The following MARK4 variants were observed in gnomAD, a reference collection of about 807,000 sequenced individuals.
The protein encoded by MARK4 is MAP/microtubule affinity-regulating kinase 4.
In MARK4, 19 loss-of-function variants were observed where a neutral mutation model predicts 81.5. That is an observed-to-expected ratio of 0.23 (90% CI 0.16 to 0.34). The LOEUF (loss-of-function observed/expected upper bound fraction) is 0.34. Ranked by LOEUF, MARK4 falls within the 10% of genes least tolerant of loss-of-function variation. MARK4 has a pLI of 1.00. For synonymous variants in MARK4, 436 were observed against 439.0 expected, an observed-to-expected ratio of 0.99 and a Z score of 0.08; for missense variants, 772 against 1,058.8, an observed-to-expected ratio of 0.73 and a Z score of 3.76.
At chr19:45,289,841 A>C (rs1261013239) in intron 13 of MARK4, among the ~76,000 whole-genome samples, 1 of 152,064 alleles carries the variant, frequency 6.6e-6, no homozygotes, top group African/African-American at 2.4e-5. Flanking sequence ...TCACGCCTGT[A>C]ATTCCAGCAC....
chr19:45,278,106 G>GCC, intron 9 of MARK4, 64 bp downstream of exon 9: 1 of 1,590,216 alleles, frequency 6.3e-7, no homozygotes, highest in Non-Finnish European at 8.5e-7. Flanking sequence ...AACTCTGCCT[G>GCC]CCCCCACCCA....
chr19:45,259,110 A>G lies in MARK4; in HGVS notation c.173A>G (p.Asn58Ser). Residue 58 changes from asparagine (N) to serine (S), a missense_variant, in exon 2 of 17, where the codon AAC (asparagine) becomes AGC (serine). Around this residue, in one of 3 missense-constraint regions of MARK4, gnomAD observed 115 missense variants for 139.8 expected, o/e 0.82. Transcript: ENST00000262891. ...CCCGAGGAGCAGCCCCACGTGGGCA[A>G]CTACCGCCTGCTGAGGACCATTGGG... ...SCPEEQPHVG[N>S]YRLLRTIGKG... is the part of the protein sequence containing the mutation. 1.2e-6 allele frequency: 2 copies of G among 1,614,186 alleles called. No individual in the cohort carries two copies. The highest frequency in any genetic ancestry group is 2.2e-5 in the East Asian group (1 of 44,878).
Position 45,251,351 on chromosome 19 carries a change from CG to C in MARK4, c.-237del, listed in dbSNP as rs1411658656. ...GCCCCCTCCGCGGCCCCCGCCCGCC[CG>C]CCTGCCCGCCGCCCCCATGGCGCCC... On this transcript the variant is annotated 5_prime_UTR_variant, in exon 1 of 17. Coordinates refer to ENST00000262891, the MANE Select transcript of MARK4 (RefSeq NM_001199867.2). The C allele has an allele frequency of 9.0e-5, 14 of 156,098 alleles. No individual in the cohort carries two copies. The highest frequency in any genetic ancestry group is 3.4e-4 in the African/African-American group (14 of 41,012). The allele number at this position is 156,098 out of a possible 1,614,324, so 9.7% of individuals were successfully genotyped here.
chr19:45,263,828 C>T (rs1970412842), intron 4 of MARK4, among the ~76,000 whole-genome samples: 1 of 151,974 alleles, frequency 6.6e-6, no homozygotes, highest in African/African-American at 2.4e-5. Flanking sequence ...CACTTAACCT[C>T]TTTGAGCCTC....
chr19:45,298,004 GACCTA>G, intron 15 of MARK4, 50 bp downstream of exon 15: 1 of 1,549,328 alleles, frequency 6.5e-7, no homozygotes, highest in Non-Finnish European at 8.7e-7. Flanking sequence ...GGGCCGATGG[GACCTA>G]ACCTGTCTTC....
chr19:45,267,609 G>A (rs903125545), intron 7 of MARK4, among the ~76,000 whole-genome samples: 2 of 152,220 alleles, frequency 1.3e-5, no homozygotes, highest in Non-Finnish European at 2.9e-5. Flanking sequence ...TGTGTGCTAG[G>A]CGGCATCCTA....
At chr19:45,286,320 C>T (rs926514456) in intron 12 of MARK4, among the ~76,000 whole-genome samples, 2 of 151,846 alleles carry the variant, frequency 1.3e-5, no homozygotes, top group African/African-American at 4.8e-5. Context: ...TCCCAAAGTG[C>T]TGGGATTACA....
chr19:45,263,106 C>G lies in MARK4; in HGVS notation c.253-7C>G, dbSNP rs763120467. 1 of 1,602,724 alleles carries G rather than the reference C, an allele frequency of 6.2e-7. No homozygotes were observed. The highest frequency in any genetic ancestry group is 8.5e-7 in the Non-Finnish European group (1 of 1,174,116). Reference sequence around the variant, plus strand: ...TGACCGTCCCTCCTCCTTTCCTCCCCCTCTAGGTTGCCATCAAGATTATCG... The same window carrying G: ...TGACCGTCCCTCCTCCTTTCCTCCCGCTCTAGGTTGCCATCAAGATTATCG... On this transcript the variant is annotated splice_polypyrimidine_tract_variant and splice_region_variant and intron_variant, in intron 2 of 16. Transcript: ENST00000262891.
chr19:45,266,346 C>T, intron 7 of MARK4, 65 bp downstream of exon 7: 5 of 1,514,006 alleles, frequency 3.3e-6, no homozygotes, highest in Non-Finnish European at 4.6e-6. Flanking sequence ...TCCCTGCCCC[C>T]ACCCCTCCAT....
chr19:45,267,814 C>G (rs1168353914), intron 7 of MARK4, among the ~76,000 whole-genome samples: 2 of 150,356 alleles, frequency 1.3e-5, no homozygotes, highest in African/African-American at 4.8e-5. Context: ...GTGTGAGCCA[C>G]AAAGCCTGGC....
intron 13 of MARK4, among the ~76,000 whole-genome samples, chr19:45,290,793 C>T (rs1048798746): frequency 6.6e-6 from 1 of 152,204 alleles, no homozygotes; most frequent in Non-Finnish European, 1.5e-5. Context: ...CCTGCCACCA[C>T]CTGTGAGGAC....
chr19:45,251,664 G>A, intron 1 of MARK4, 25 bp downstream of exon 1: 1 of 1,517,800 alleles, frequency 6.6e-7, no homozygotes, highest in Non-Finnish European at 8.8e-7. Flanking sequence ...GCCCCTTGGG[G>A]AGCCCTGGCT....
intron 13 of MARK4, 28 bp from the exon 14 acceptor site, chr19:45,294,317 CCTCA>C (rs749763051): frequency 1.2e-5 from 20 of 1,602,092 alleles, no homozygotes; most frequent in Non-Finnish European, 7.7e-6. Flanking sequence ...GTCTTCACCC[CCTCA>C]CTCCCTTCCT....
At chr19:45,267,837 T>TGGG (rs1970475717) in intron 7 of MARK4, among the ~76,000 whole-genome samples, 1 of 151,854 alleles carries the variant, frequency 6.6e-6, no homozygotes, top group Non-Finnish European at 1.5e-5. Flanking sequence ...ATTTTTGAGT[T>TGGG]TTTTGTAGAC....
chr19:45,278,963 A>G (rs557822454), intron 10 of MARK4, among the ~76,000 whole-genome samples: 73 of 152,266 alleles, frequency 4.8e-4, no homozygotes, highest in African/African-American at 1.3e-3. Flanking sequence ...TCATGCTGGT[A>G]ATCCCAGCAC....
intron 14 of MARK4, 116 bp downstream of exon 14, chr19:45,294,568 A>G: frequency 1.2e-6 from 1 of 864,902 alleles, no homozygotes; most frequent in Non-Finnish European, 1.8e-6. Flanking sequence ...CCAGAGAGTG[A>G]GTGTATCTGC....
chr19:45,272,950 G>T, intron 8 of MARK4, among the ~76,000 whole-genome samples: 1 of 152,170 alleles, frequency 6.6e-6, no homozygotes, highest in African/African-American at 2.4e-5. Context: ...TATACTAAAA[G>T]CCATCGAATT....
At position 45,302,497 on chromosome 19, in the gene MARK4, A is replaced by G; in HGVS notation, c.2046A>G (p.Ala682=). The change falls in exon 17 of 17, where the codon GCA becomes GCG. Residue 682 remains alanine (A), a synonymous_variant. Coordinates refer to ENST00000262891, the MANE Select transcript of MARK4 (RefSeq NM_001199867.2). This position sits in a 1 kb window ranked among gnomAD's most constrained non-coding sequence, Gnocchi z 4.9. ...TGGCAGCTCTGCGCCAGGCCACAGC[A>G]GCCGCCCGCTGCCGCTGCCGCCAGC... is the stretch of plus-strand genomic sequence containing the variant. ...ALMAALRQAT[A]AARCRCRQPQ... is the part of the protein sequence containing the mutation. The G allele has an allele frequency of 6.2e-7, 1 of 1,606,462 alleles. No homozygotes were observed. Among genetic ancestry groups the G allele is most frequent in the Non-Finnish European group, 8.5e-7 (1 of 1,179,118 alleles).
chr19:45,291,285 A>G (rs1970817204), intron 13 of MARK4, among the ~76,000 whole-genome samples: 1 of 152,208 alleles, frequency 6.6e-6, no homozygotes, highest in Non-Finnish European at 1.5e-5. Flanking sequence ...AGTCACAACC[A>G]CACCACAGAA....
Sources: allele counts gnomAD v4.1 joint callset (sites outside exome capture counted in the v4.1 genomes callset), GRCh38; gene constraint gnomAD v4.1.1; regional missense constraint gnomAD v4.1.1; non-coding constraint Gnocchi (gnomAD v3.1); transcripts MANE v1.5; gene names NCBI Gene and HGNC (gene_info 2026-07-23, HGNC 2026-07-21).